The following LPP variants were observed in gnomAD, a reference collection of about 807,000 sequenced individuals.
LPP encodes lipoma-preferred partner.
In LPP, 38 loss-of-function variants were observed where a neutral mutation model predicts 60.4. That is an observed-to-expected ratio of 0.63 (90% CI 0.49 to 0.83). LPP has a LOEUF of 0.83. LPP is among the 40% of genes least tolerant of loss of function. The pLI is 0.00. For missense variants in LPP, 902 were observed against 783.6 expected (o/e 1.15, Z -1.80); for synonymous variants, 328 against 290.8 (o/e 1.13, Z -1.30).
intron 7 of LPP, among the ~76,000 whole-genome samples, chr3:188,699,599 C>T (rs1217027063): frequency 6.6e-6 from 1 of 152,140 alleles, no homozygotes; most frequent in Non-Finnish European, 1.5e-5. Flanking sequence ...CTGGGTCTTC[C>T]TCTTTGTGTC....
intron 6 of LPP, among the ~76,000 whole-genome samples, chr3:188,569,280 G>A (rs1462172510): frequency 6.6e-6 from 1 of 151,854 alleles, no homozygotes; most frequent in Admixed American, 6.6e-5. Context: ...GCAGGCACTA[G>A]GGACAGGAGT....
chr3:188,456,911 C>G (rs975463341), intron 4 of LPP, among the ~76,000 whole-genome samples: 2 of 152,142 alleles, frequency 1.3e-5, no homozygotes, highest in Non-Finnish European at 2.9e-5. Context: ...TAAGAGGTAA[C>G]TAGCCAGAGC....
At chr3:188,277,556 G>T (rs1162067622) in intron 2 of LPP, among the ~76,000 whole-genome samples, 3 of 152,024 alleles carry the variant, frequency 2.0e-5, no homozygotes, top group Non-Finnish European at 2.9e-5. Context: ...TAATAATAAA[G>T]AATAAAACCT....
intron 4 of LPP, among the ~76,000 whole-genome samples, chr3:188,435,709 T>C (rs2149203439): frequency 6.6e-6 from 1 of 152,328 alleles, no homozygotes; most frequent in Middle Eastern, 3.4e-3. Context: ...CTCTGTGATG[T>C]CACTTTCTGA....
At chr3:188,730,922 A>G (rs1378849640) in intron 8 of LPP, among the ~76,000 whole-genome samples, 1 of 152,040 alleles carries the variant, frequency 6.6e-6, no homozygotes, top group African/African-American at 2.4e-5. Flanking sequence ...CATTTTTTTC[A>G]TAGTCATTCT....
chr3:188,833,308 G>C (rs561512285), intron 9 of LPP, among the ~76,000 whole-genome samples: 1 of 152,270 alleles, frequency 6.6e-6, no homozygotes, highest in African/African-American at 2.4e-5. Flanking sequence ...TCTTGCTTCA[G>C]GAATTTGTTT....
At chr3:188,464,408 A>G (rs1287012734) in intron 4 of LPP, among the ~76,000 whole-genome samples, 1 of 152,180 alleles carries the variant, frequency 6.6e-6, no homozygotes, top group East Asian at 1.9e-4. Flanking sequence ...TTGAGTGCTC[A>G]GTAGCCATCC....
chr3:188,886,735 CAT>C lies in LPP; in HGVS notation c.*12258_*12259del, dbSNP rs1491024265. ...TGTCTTCAAAACACACACACACACA[CAT>C]ACACACACACACACACACACACACA... On this transcript the variant is annotated 3_prime_UTR_variant, in exon 12 of 12. Transcript: ENST00000617246. The C allele has an allele frequency of 0.042, 6,050 of 144,824 alleles. 266 individuals carry two copies. The highest frequency in any genetic ancestry group is 0.16 in the African/African-American group (3,977 of 24,328). The allele number at this position is 144,824 out of a possible 1,614,324, so 9.0% of individuals were successfully genotyped here. A position where few individuals can be genotyped will look rare whatever the true frequency, so the allele number is the denominator to read the frequency against.
At chr3:188,284,720 C>G (rs1470983241) in intron 2 of LPP, among the ~76,000 whole-genome samples, 1 of 152,124 alleles carries the variant, frequency 6.6e-6, no homozygotes, top group Non-Finnish European at 1.5e-5. Context: ...TGGGAAACAG[C>G]TTTCATTTGA....
At chr3:188,614,020 C>T (rs552031547) in intron 7 of LPP, among the ~76,000 whole-genome samples, 5 of 151,788 alleles carry the variant, frequency 3.3e-5, no homozygotes, top group South Asian at 4.2e-4. Flanking sequence ...CTCCACCTCC[C>T]GGGTTCAAGT....
intron 4 of LPP, among the ~76,000 whole-genome samples, chr3:188,457,455 A>G (rs1797969217): frequency 1.3e-5 from 2 of 152,108 alleles, no homozygotes; most frequent in South Asian, 4.1e-4. Flanking sequence ...TAAAATTAGA[A>G]TTTGTCTAGG....
intron 10 of LPP, among the ~76,000 whole-genome samples, chr3:188,868,536 G>A (rs1034201647): frequency 1.1e-4 from 16 of 152,212 alleles, no homozygotes; most frequent in African/African-American, 3.9e-4. Context: ...TTGTCTTCAT[G>A]ATTGGCAGGT....
At chr3:188,527,774 GT>G (rs1248887279) in intron 6 of LPP, among the ~76,000 whole-genome samples, 1 of 150,890 alleles carries the variant, frequency 6.6e-6, no homozygotes, top group Non-Finnish European at 1.5e-5. Context: ...TTTGTAATGG[GT>G]TTTCACTCTG....
At chr3:188,389,124 T>G (rs908994097) in intron 3 of LPP, among the ~76,000 whole-genome samples, 4 of 152,074 alleles carry the variant, frequency 2.6e-5, no homozygotes, top group African/African-American at 9.7e-5. Flanking sequence ...TGTGTGTATG[T>G]ATGTGTGTGC....
chr3:188,675,876 C>T (rs1240597335), intron 7 of LPP, among the ~76,000 whole-genome samples: 1 of 152,144 alleles, frequency 6.6e-6, no homozygotes, highest in Non-Finnish European at 1.5e-5. Context: ...ATCATGTCTT[C>T]AGAGTTCCTA....
intron 2 of LPP, among the ~76,000 whole-genome samples, chr3:188,307,107 A>G (rs556975578): frequency 6.6e-6 from 1 of 152,332 alleles, no homozygotes; most frequent in Non-Finnish European, 1.5e-5. Flanking sequence ...TACTTTGCAT[A>G]TATCATTCAA....
At chr3:188,300,398 G>T (rs1328385445) in intron 2 of LPP, among the ~76,000 whole-genome samples, 3 of 150,024 alleles carry the variant, frequency 2.0e-5, no homozygotes, top group Non-Finnish European at 2.9e-5. Context: ...ATAATTAAGG[G>T]TTAGCTGCTT....
At chr3:188,297,254 A>T (rs1390716146) in intron 2 of LPP, among the ~76,000 whole-genome samples, 1 of 152,218 alleles carries the variant, frequency 6.6e-6, no homozygotes, top group East Asian at 1.9e-4. Flanking sequence ...ATAGTGCAAG[A>T]ATCAGCCCCC....
intron 3 of LPP, among the ~76,000 whole-genome samples, chr3:188,391,454 G>T (rs1210399410): frequency 1.3e-5 from 2 of 152,070 alleles, no homozygotes; most frequent in Admixed American, 6.6e-5. Context: ...TGCCCATAAG[G>T]ATCTTGAGGG....
Sources: gnomAD v4.1 joint callset for allele counts (sites outside exome capture counted in the v4.1 genomes callset) on GRCh38, gnomAD v4.1.1 for gene constraint, MANE v1.5 for transcripts, NCBI Gene and HGNC (gene_info 2026-07-23, HGNC 2026-07-21) for gene names.